Variants in MYOM2 observed in about 807,000 individuals in gnomAD.
MYOM2 encodes myomesin 2.
MYOM2 carries 254 observed loss-of-function variants against 187.6 expected under a neutral mutation model. That is an observed-to-expected ratio of 1.35 (90% CI 1.22 to 1.50). MYOM2 has a LOEUF of 1.50. MYOM2 is among the 40% of genes most tolerant of loss of function. The pLI, the probability that MYOM2 is intolerant of heterozygous loss-of-function variation, is 0.00. For missense variants in MYOM2, 2,796 were observed against 1,924.0 expected (o/e 1.45, Z -8.48); for synonymous variants, 981 against 753.8 (o/e 1.30, Z -4.94).
At chr8:2,108,025 G>T (rs1192756153) in intron 23 of MYOM2, among the ~76,000 whole-genome samples, 1 of 152,214 alleles carries the variant, frequency 6.6e-6, no homozygotes, top group Admixed American at 6.5e-5. Flanking sequence ...GGGAAAGCCA[G>T]TCCTCCCTGT....
At chr8:2,100,669 C>A (rs988682625) in intron 19 of MYOM2, among the ~76,000 whole-genome samples, 1 of 151,342 alleles carries the variant, frequency 6.6e-6, no homozygotes, top group South Asian at 2.1e-4. Context: ...GTAGGCTGGG[C>A]CCTCCTCCCT....
intron 1 of MYOM2, among the ~76,000 whole-genome samples, chr8:2,045,883 G>A (rs751289581): frequency 2.0e-5 from 3 of 152,238 alleles, no homozygotes; most frequent in Non-Finnish European, 4.4e-5. Flanking sequence ...GGAGGCAAAC[G>A]GAAGGAAGGG....
rs1158780457 is a variant in MYOM2 at position 2,078,853 on chromosome 8, A to G, written c.1382A>G (p.Asn461Ser). 1 of 1,614,108 alleles carries G rather than the reference A, an allele frequency of 6.2e-7. No homozygotes were observed. The highest frequency in any genetic ancestry group is 8.5e-7 in the Non-Finnish European group (1 of 1,179,982). The change falls in exon 12 of 37, where the codon AAC becomes AGC. Residue 461 changes from asparagine to serine, a missense_variant. Coordinates refer to ENST00000262113, the MANE Select transcript of MYOM2 (RefSeq NM_003970.4). Reference protein sequence around the residue: ...RSYIFRVRAVNSAGISRPSRV... With the variant: ...RSYIFRVRAVSSAGISRPSRV... ...TACATATTCCGAGTGAGGGCAGTGA[A>G]CAGTGCGGGCATCAGCCGACCCTCC...
intron 32 of MYOM2, among the ~76,000 whole-genome samples, chr8:2,131,934 C>T (rs1247377730): frequency 1.3e-5 from 2 of 152,218 alleles, no homozygotes; most frequent in Non-Finnish European, 2.9e-5. Flanking sequence ...TGAGCTACCG[C>T]AGCCGGCCAA....
intron 6 of MYOM2, among the ~76,000 whole-genome samples, chr8:2,061,803 C>G (rs1316603069): frequency 6.6e-6 from 1 of 152,250 alleles, no homozygotes; most frequent in African/African-American, 2.4e-5. Context: ...AGCTCTCCTT[C>G]TGGCGGGCTC....
chr8:2,144,734 A>G lies in MYOM2; in HGVS notation c.4151A>G (p.Asp1384Gly). 1 of 1,613,826 alleles carries G rather than the reference A, an allele frequency of 6.2e-7. No homozygotes were observed. Among genetic ancestry groups the G allele is most frequent in the Non-Finnish European group, 8.5e-7 (1 of 1,180,014 alleles). ...PEVIWFKNDQDIQLSEHFSVK... is the reference protein window; with the variant it reads ...PEVIWFKNDQGIQLSEHFSVK... ...GTGATTTGGTTCAAGAACGACCAGG[A>G]CATCCAGCTCAGCGAGCACTTCTCG... is the stretch of plus-strand genomic sequence containing the variant. The change falls in exon 37 of 37, where the codon GAC (aspartate) becomes GGC (glycine). Residue 1384 changes from aspartate to glycine, a missense_variant. By Grantham distance (94) the Asp-to-Gly change is moderately conservative. Coordinates refer to ENST00000262113, the MANE Select transcript of MYOM2 (RefSeq NM_003970.4).
At chr8:2,074,061 C>G (rs936722582) in intron 10 of MYOM2, among the ~76,000 whole-genome samples, 2 of 152,182 alleles carry the variant, frequency 1.3e-5, no homozygotes, top group Non-Finnish European at 2.9e-5. Flanking sequence ...TGCTGGGGTC[C>G]TACACGGATT....
At chr8:2,143,769 A>G (rs182948183) in intron 36 of MYOM2, among the ~76,000 whole-genome samples, 1 of 152,270 alleles carries the variant, frequency 6.6e-6, no homozygotes, top group East Asian at 1.9e-4. Context: ...GTGGCCATTC[A>G]CCCAGAGGAG....
chr8:2,141,784 C>T (rs1394131825), intron 34 of MYOM2, among the ~76,000 whole-genome samples: 1 of 152,108 alleles, frequency 6.6e-6, no homozygotes, highest in African/African-American at 2.4e-5. Flanking sequence ...TGGACTTAGG[C>T]GGTTTCTAAT....
intron 13 of MYOM2, among the ~76,000 whole-genome samples, chr8:2,082,606 C>G (rs1396831518): frequency 6.6e-6 from 1 of 152,186 alleles, no homozygotes; most frequent in African/African-American, 2.4e-5. Flanking sequence ...TACCATCAAC[C>G]CAACTTGCCC....
At chr8:2,049,979 T>C (rs1563410464) in intron 1 of MYOM2, among the ~76,000 whole-genome samples, 2 of 152,114 alleles carry the variant, frequency 1.3e-5, no homozygotes, top group Non-Finnish European at 2.9e-5. Flanking sequence ...CCTGCTCACC[T>C]CCTGCTACGC....
chr8:2,139,395 C>A (rs1362410417), intron 32 of MYOM2, among the ~76,000 whole-genome samples: 3 of 152,176 alleles, frequency 2.0e-5, no homozygotes, highest in Non-Finnish European at 4.4e-5. Context: ...CTTGCCTTCG[C>A]TTCCCAAAGT....
chr8:2,112,797 G>A (rs943625102), intron 25 of MYOM2, among the ~76,000 whole-genome samples: 2 of 152,220 alleles, frequency 1.3e-5, no homozygotes, highest in Non-Finnish European at 2.9e-5. Flanking sequence ...GAAGAAGGTT[G>A]CTGATTTTCT....
chr8:2,050,795 A>G lies in MYOM2; in HGVS notation c.29A>G (p.Gln10Arg), dbSNP rs1818456333. Reference protein sequence around the residue: MSLVTVPFYQKRHRHFDQSY... With the variant: MSLVTVPFYRKRHRHFDQSY... ...TCCCTTGTGACTGTCCCCTTCTACCAGAAGAGACATAGGCACTTCGACCAG... is the reference window on the plus strand; with the variant it reads ...TCCCTTGTGACTGTCCCCTTCTACCGGAAGAGACATAGGCACTTCGACCAG... Residue 10 changes from glutamine to arginine, a missense_variant, in exon 2 of 37, where the codon CAG becomes CGG. Coordinates refer to ENST00000262113, the MANE Select transcript of MYOM2 (RefSeq NM_003970.4). 1.2e-6 allele frequency: 2 copies of G among 1,613,258 alleles called. No homozygotes were observed. Among genetic ancestry groups the G allele is most frequent in the Non-Finnish European group, 1.7e-6 (2 of 1,179,226 alleles).
At chr8:2,089,510 G>A (rs537472601) in intron 14 of MYOM2, among the ~76,000 whole-genome samples, 9 of 152,216 alleles carry the variant, frequency 5.9e-5, no homozygotes, top group African/African-American at 1.9e-4. Flanking sequence ...ATGGCCATGA[G>A]GTTTTTAATC....
intron 6 of MYOM2, among the ~76,000 whole-genome samples, chr8:2,067,746 GTTTT>G (rs3837175): frequency 2.0e-5 from 3 of 151,394 alleles, no homozygotes; most frequent in African/African-American, 7.3e-5. Context: ...CCTAAGTCAT[GTTTT>G]TTTTTGTTTT....
At chr8:2,068,939 A>G (rs1310136834) in intron 6 of MYOM2, among the ~76,000 whole-genome samples, 1 of 152,166 alleles carries the variant, frequency 6.6e-6, no homozygotes, top group Non-Finnish European at 1.5e-5. Context: ...ACAAGATGAA[A>G]CCGCGCATTC....
chr8:2,054,016 G>T (rs1032699995), intron 3 of MYOM2, among the ~76,000 whole-genome samples: 28 of 152,188 alleles, frequency 1.8e-4, no homozygotes, highest in African/African-American at 6.8e-4. Flanking sequence ...ATGCAGAAGG[G>T]CCCAGGAGGG....
Position 2,123,625 on chromosome 8 carries a change from T to C in MYOM2, c.3638T>C (p.Leu1213Pro). ...GACAGAGGCCAAGATGTGTCCATCC[T>C]TGAAATAGCTGGCAAAGGTAAAAGA... Reference protein sequence around the residue: ...KDDRGQDVSILEIAGKVYDDM... With the variant: ...KDDRGQDVSIPEIAGKVYDDM... The change falls in exon 30 of 37, where the codon CTT becomes CCT. Residue 1213 changes from leucine (L) to proline (P), a missense_variant. Transcript: ENST00000262113. 1 of 1,614,140 alleles carries C rather than the reference T, an allele frequency of 6.2e-7. No homozygotes were observed. The highest frequency in any genetic ancestry group is 8.5e-7 in the Non-Finnish European group (1 of 1,179,964).
Sources: allele counts gnomAD v4.1 joint callset (sites outside exome capture counted in the v4.1 genomes callset), GRCh38; gene constraint gnomAD v4.1.1; transcripts MANE v1.5; gene names NCBI Gene and HGNC (gene_info 2026-07-23, HGNC 2026-07-21).